Variants in PTPN12 observed in about 807,000 individuals in gnomAD.
PTPN12 encodes the protein tyrosine-protein phosphatase non-receptor type 12.
Under a neutral mutation model 97.6 loss-of-function variants are expected in PTPN12, and 29 were observed. The ratio of observed to expected loss-of-function variants is 0.30; its 90% CI spans 0.22 to 0.41. PTPN12 has a LOEUF of 0.41. PTPN12 is among the 10% of genes least tolerant of loss of function. The probability of loss-of-function intolerance (pLI) is 1.00; values close to 1 mark genes in which losing one functional copy is unlikely to be tolerated. For synonymous variants in PTPN12, 327 were observed against 300.4 expected (o/e 1.09, Z -0.91); for missense variants, 819 against 926.0 (o/e 0.88, Z 1.50).
intron 14 of PTPN12, among the ~76,000 whole-genome samples, chr7:77,634,808 G>A (rs1231104363): frequency 2.0e-5 from 3 of 151,430 alleles, no homozygotes; most frequent in Non-Finnish European, 4.4e-5. Flanking sequence ...TCCATCTCCT[G>A]ACCTCGTGAT....
At chr7:77,571,494 T>C (rs1224790146) in intron 2 of PTPN12, among the ~76,000 whole-genome samples, 1 of 152,202 alleles carries the variant, frequency 6.6e-6, no homozygotes, top group Non-Finnish European at 1.5e-5. Flanking sequence ...ATTAAAATAA[T>C]AGACAACTGA....
At position 77,625,460 on chromosome 7, in the gene PTPN12, C is replaced by T. The variant is rs569011412; in HGVS notation, c.1026-1245C>T. On this transcript the variant is annotated intron_variant, in intron 12 of 17. Transcript: ENST00000248594. ...AAAGACACAGGGTTTTGCCATATTG[C>T]CCAGGCTGCTCGCTCTCTCTCTCTC... Among the ~76,000 whole-genome samples, 8 of 67,878 alleles carry T rather than the reference C, an allele frequency of 1.2e-4. No individual in the cohort carries two copies. The South Asian group carries it at 4.1e-3, about 35-fold the overall frequency. The allele number at this position is 67,878 out of a possible 152,430, so 44.5% of individuals were successfully genotyped here. A position where few individuals can be genotyped will look rare whatever the true frequency, so the allele number is the denominator to read the frequency against.
intron 12 of PTPN12, among the ~76,000 whole-genome samples, chr7:77,624,254 A>G (rs1789050426): frequency 1.3e-5 from 2 of 151,900 alleles, no homozygotes; most frequent in East Asian, 3.9e-4. Flanking sequence ...GTGGCAGAGC[A>G]GGACCCTGTC....
chr7:77,605,276 T>A (rs1788322777), intron 8 of PTPN12, among the ~76,000 whole-genome samples: 1 of 152,076 alleles, frequency 6.6e-6, no homozygotes, highest in Non-Finnish European at 1.5e-5. Flanking sequence ...CACAACTTTG[T>A]GGGGGTTTTT....
intron 2 of PTPN12, among the ~76,000 whole-genome samples, chr7:77,578,541 A>G (rs930315914): frequency 6.6e-6 from 1 of 152,210 alleles, no homozygotes; most frequent in Non-Finnish European, 1.5e-5. Flanking sequence ...GACTTTTTTA[A>G]AAGTAAATTT....
chr7:77,605,409 GTTTTTTTTTT>G lies in PTPN12; in HGVS notation c.696-1807_696-1798del, dbSNP rs751962814. Among the ~76,000 whole-genome samples, 149 of 95,544 alleles carry G rather than the reference GTTTTTTTTTT, an allele frequency of 1.6e-3. 5 individuals carry two copies. Among genetic ancestry groups the G allele is most frequent in the African/African-American group, 5.8e-3 (141 of 24,240 alleles). 62.7% of individuals were successfully genotyped at this position (95,544 alleles called of 152,430 possible). ...TTACTTTAAAATACTTTTGTCATGA[GTTTTTTTTTT>G]TTTTTTTTTTTTTTTTTTGAGACGG... On this transcript the variant is annotated intron_variant, in intron 8 of 17. Coordinates refer to ENST00000248594, the MANE Select transcript of PTPN12 (RefSeq NM_002835.4).
At chr7:77,575,933 C>G (rs1355911188) in intron 2 of PTPN12, among the ~76,000 whole-genome samples, 1 of 152,138 alleles carries the variant, frequency 6.6e-6, no homozygotes, top group Non-Finnish European at 1.5e-5. Context: ...CTCACTGCGA[C>G]CTCCGCCTCC....
chr7:77,633,851 CCT>C (rs978829277), intron 14 of PTPN12, among the ~76,000 whole-genome samples: 26 of 151,670 alleles, frequency 1.7e-4, no homozygotes, highest in African/African-American at 6.3e-4. Context: ...AGTGATACCT[CCT>C]CTCTTCTAAA....
At chr7:77,625,472 G>GCTCGCTCGCTCTCTCTCTCT in intron 12 of PTPN12, among the ~76,000 whole-genome samples, 1 of 33,522 alleles carries the variant, frequency 3.0e-5, no homozygotes, top group African/African-American at 1.3e-4. Context: ...CAGGCTGCTC[G>GCTCGCTCGCTCTCTCTCTCT]CTCTCTCTCT....
At position 77,592,093 on chromosome 7, in the gene PTPN12, G is replaced by T; in HGVS notation, c.421-92G>T. 3.7e-6 allele frequency: 4 copies of T among 1,077,170 alleles called. No individual in the cohort carries two copies. The South Asian group carries it at 4.2e-5, about 11-fold the overall frequency. The allele number at this position is 1,077,170 out of a possible 1,614,324, so 66.7% of individuals were successfully genotyped here. A position where few individuals can be genotyped will look rare whatever the true frequency, so the allele number is the denominator to read the frequency against. On this transcript the variant is annotated intron_variant, in intron 5 of 17. Coordinates refer to ENST00000248594, the MANE Select transcript of PTPN12 (RefSeq NM_002835.4). ...TGGGTTTTTCTGTTTTGGGGAAGTA[G>T]AAGTAAGCAGAACCTCAGGACACAA...
Position 77,570,647 on chromosome 7 carries a change from T to C in PTPN12, c.100-431T>C, listed in dbSNP as rs116990083. ...TTTTGCAGTGTCTTGTAAGTAATTA[T>C]TAGCTTATGCCTTGGGAGAAAGCCT... On this transcript the variant is annotated intron_variant, in intron 1 of 17. Coordinates refer to ENST00000248594, the MANE Select transcript of PTPN12 (RefSeq NM_002835.4). Among the ~76,000 whole-genome samples, 89 of 152,364 alleles carry C rather than the reference T, an allele frequency of 5.8e-4. 1 individual carries two copies. In the East Asian group the frequency reaches 0.017, roughly 29 times the overall value.
At chr7:77,607,057 C>T (rs1359860317) in intron 8 of PTPN12, 178 bp from the exon 9 acceptor site, 13 of 505,282 alleles carry the variant, frequency 2.6e-5, no homozygotes, top group Non-Finnish European at 4.6e-5. Context: ...TATATGTATT[C>T]TGTGTAACAG....
In PTPN12 at chr7:77,638,685, C is replaced by G. The variant is rs752741672; in HGVS notation, c.2235C>G (p.Asp745Glu). The G allele has an allele frequency of 6.2e-7, 1 of 1,607,202 alleles. No individual in the cohort carries two copies. Among genetic ancestry groups the G allele is most frequent in the Non-Finnish European group, 8.5e-7 (1 of 1,177,878 alleles). ...TAGAATGTCCACCTACTTTCAGTGA[C>G]AAGAGAGAACAAATATCAGAAAATC... ...MCIECPPTFS[D>E]KREQISENPT... Residue 745 changes from aspartate (D) to glutamate (E), a missense_variant, in exon 17 of 18, where the codon GAC (aspartate) becomes GAG (glutamate). Coordinates refer to ENST00000248594, the MANE Select transcript of PTPN12 (RefSeq NM_002835.4).
chr7:77,558,154 T>C (rs1807807682), intron 1 of PTPN12, among the ~76,000 whole-genome samples: 1 of 137,876 alleles, frequency 7.3e-6, no homozygotes, highest in African/African-American at 2.8e-5. Flanking sequence ...GAGGTTGCAG[T>C]CAGCCAAGAT....
chr7:77,564,980 T>A lies in PTPN12; in HGVS notation c.100-6098T>A, dbSNP rs539996948. Among the ~76,000 whole-genome samples, 3 of 152,044 alleles carry A rather than the reference T, an allele frequency of 2.0e-5. No homozygotes were observed. In the South Asian group the frequency reaches 6.2e-4, roughly 32 times the overall value. Reference sequence around the variant, plus strand: ...ACCATGTTGGCCAGGATGGTCTCGATCTCCTGACTTCGTGATCTACCAGCC... The same window carrying A: ...ACCATGTTGGCCAGGATGGTCTCGAACTCCTGACTTCGTGATCTACCAGCC... On this transcript the variant is annotated intron_variant, in intron 1 of 17. Transcript: ENST00000248594.
intron 1 of PTPN12, among the ~76,000 whole-genome samples, chr7:77,544,168 G>A (rs940510213): frequency 6.6e-6 from 1 of 152,144 alleles, no homozygotes; most frequent in East Asian, 1.9e-4. Context: ...CATCTTCACC[G>A]ATACTTGTTG....
chr7:77,616,204 A>T (rs553570388), intron 11 of PTPN12, among the ~76,000 whole-genome samples: 1 of 152,288 alleles, frequency 6.6e-6, no homozygotes, highest in African/African-American at 2.4e-5. Context: ...AAATCTTACC[A>T]ATCCCTCAAT....
chr7:77,638,199 C>T (rs1464711960), intron 16 of PTPN12, among the ~76,000 whole-genome samples: 4 of 151,646 alleles, frequency 2.6e-5, no homozygotes, highest in African/African-American at 4.8e-5. Flanking sequence ...ACCTCATGAT[C>T]GGCTCGCCTC....
At chr7:77,626,562 A>C (rs1187932177) in intron 12 of PTPN12, 143 bp from the exon 13 acceptor site, 2 of 783,062 alleles carry the variant, frequency 2.6e-6, no homozygotes, top group Non-Finnish European at 2.0e-6. Flanking sequence ...ATGAACATTA[A>C]ATTTTCTTAG....
Sources: allele counts gnomAD v4.1 joint callset (sites outside exome capture counted in the v4.1 genomes callset), GRCh38; gene constraint gnomAD v4.1.1; transcripts MANE v1.5; gene names NCBI Gene and HGNC (gene_info 2026-07-23, HGNC 2026-07-21).